PHF2: variants seen among roughly 807,000 people sequenced by gnomAD.
PHF2 encodes the protein lysine-specific demethylase PHF2.
PHF2 carries 27 observed loss-of-function variants against 120.5 expected under a neutral mutation model. The observed-to-expected ratio is 0.22, with a 90% confidence interval of 0.17 to 0.31. The LOEUF (loss-of-function observed/expected upper bound fraction) is 0.31. Among genes scored for constraint, PHF2 ranks in the 10% least tolerant of loss-of-function variants. PHF2 has a pLI of 1.00. For missense variants in PHF2, 1,024 were observed against 1,434.8 expected (o/e 0.71, Z 4.63); for synonymous variants, 568 against 592.5 (o/e 0.96, Z 0.60).
chr9:93,679,357 T>G lies in PHF2; in HGVS notation c.*1681T>G, dbSNP rs1434160207. 2.3e-6 allele frequency: 1 copy of G among 435,684 alleles called. No homozygotes were observed. Among genetic ancestry groups the G allele is most frequent in the Non-Finnish European group, 4.5e-6 (1 of 220,708 alleles). The allele number at this position is 435,684 out of a possible 1,614,324, so 27.0% of individuals were successfully genotyped here. A position where few individuals can be genotyped will look rare whatever the true frequency, so the allele number is the denominator to read the frequency against. ...TTTTAAAGTTTCCTTTACCCTGCCC[T>G]TGTTGAACATTTATATAATCTAACC... is the stretch of plus-strand genomic sequence containing the variant. On this transcript the variant is annotated 3_prime_UTR_variant, in exon 22 of 22. Transcript: ENST00000359246.
intron 1 of PHF2, among the ~76,000 whole-genome samples, chr9:93,579,453 A>G (rs1045215614): frequency 1.3e-5 from 2 of 152,196 alleles, no homozygotes; most frequent in African/African-American, 4.8e-5. Flanking sequence ...GAAGGAGTTA[A>G]CGCTGGTGCC....
intron 1 of PHF2, among the ~76,000 whole-genome samples, chr9:93,598,271 A>C (rs1473958712): frequency 2.6e-5 from 4 of 152,228 alleles, no homozygotes; most frequent in African/African-American, 9.6e-5. Context: ...ACAAGTGAGC[A>C]TCAGACTTAG....
chr9:93,650,772 C>G (rs1275072178), intron 5 of PHF2, among the ~76,000 whole-genome samples: 1 of 152,194 alleles, frequency 6.6e-6, no homozygotes, highest in Non-Finnish European at 1.5e-5. Context: ...CCAGCTGGCC[C>G]CTGGGAAAGA....
At chr9:93,660,030 G>T (rs1226804236) in intron 11 of PHF2, among the ~76,000 whole-genome samples, 162 bp from the exon 12 acceptor site, 1 of 152,158 alleles carries the variant, frequency 6.6e-6, no homozygotes, top group Non-Finnish European at 1.5e-5. Context: ...GCATGGGTTG[G>T]GTGTGAGTGT....
chr9:93,600,977 T>C (rs1825428918), intron 1 of PHF2, among the ~76,000 whole-genome samples: 1 of 152,246 alleles, frequency 6.6e-6, no homozygotes, highest in East Asian at 1.9e-4. Context: ...TTTATAAATG[T>C]TAAGAGTGAC....
chr9:93,594,048 A>G (rs1825284225), intron 1 of PHF2, among the ~76,000 whole-genome samples: 2 of 152,174 alleles, frequency 1.3e-5, no homozygotes, highest in South Asian at 4.1e-4. Context: ...TGTGGGTTTT[A>G]TAGACACTGG....
At chr9:93,609,042 T>C (rs1370392413) in intron 1 of PHF2, among the ~76,000 whole-genome samples, 1 of 121,370 alleles carries the variant, frequency 8.2e-6, no homozygotes, top group African/African-American at 2.7e-5. Context: ...GTGATCCCAT[T>C]TTTTTCTCCT....
At chr9:93,623,526 C>T (rs978551197) in intron 1 of PHF2, among the ~76,000 whole-genome samples, 3 of 152,208 alleles carry the variant, frequency 2.0e-5, no homozygotes, top group Non-Finnish European at 2.9e-5. Flanking sequence ...GGCAGACACC[C>T]TTATAAACTT....
intron 1 of PHF2, among the ~76,000 whole-genome samples, chr9:93,579,118 C>A (rs1862888372): frequency 6.6e-6 from 1 of 152,114 alleles, no homozygotes. Context: ...CAGCCCTGGG[C>A]AAATCCTTTG....
chr9:93,639,766 C>T (rs1220954811), intron 3 of PHF2, among the ~76,000 whole-genome samples: 4 of 152,156 alleles, frequency 2.6e-5, no homozygotes, highest in African/African-American at 7.2e-5. Context: ...AACTCAGCAA[C>T]AGGCAGCTGG....
At position 93,679,467 on chromosome 9, in the gene PHF2, T is replaced by C. The variant is rs1826982366; in HGVS notation, c.*1791T>C. ...ACATGTACATTTCTAACAAAGTTTA[T>C]CGTGGCTATTAAAGTGTTTTATTTC... On this transcript the variant is annotated 3_prime_UTR_variant, in exon 22 of 22. Coordinates refer to ENST00000359246, the MANE Select transcript of PHF2 (RefSeq NM_005392.4). 1 of 312,302 alleles carries C rather than the reference T, an allele frequency of 3.2e-6. No individual in the cohort carries two copies. The highest frequency in any genetic ancestry group is 6.2e-6 in the Non-Finnish European group (1 of 160,778). 19.3% of individuals were successfully genotyped at this position (312,302 alleles called of 1,614,324 possible). A position where few individuals can be genotyped will look rare whatever the true frequency, so the allele number is the denominator to read the frequency against.
chr9:93,612,735 A>G (rs992261184), intron 1 of PHF2, among the ~76,000 whole-genome samples: 5 of 152,190 alleles, frequency 3.3e-5, no homozygotes, highest in African/African-American at 7.2e-5. Flanking sequence ...ATAGGAATCT[A>G]TGGTATTGTC....
At chr9:93,606,141 T>C (rs1825539061) in intron 1 of PHF2, among the ~76,000 whole-genome samples, 1 of 152,124 alleles carries the variant, frequency 6.6e-6, no homozygotes, top group African/African-American at 2.4e-5. Context: ...AGCTAATTTT[T>C]GTATTTTTTG....
intron 1 of PHF2, among the ~76,000 whole-genome samples, chr9:93,586,506 C>T (rs1460468432): frequency 1.3e-5 from 2 of 152,220 alleles, no homozygotes; most frequent in African/African-American, 2.4e-5. Context: ...GGCCAGCAGC[C>T]GGCCAGCAGC....
intron 15 of PHF2, 39 bp from the exon 16 acceptor site, chr9:93,665,951 C>T (rs779098363): frequency 6.2e-7 from 1 of 1,612,174 alleles, no homozygotes; most frequent in African/African-American, 1.3e-5. Context: ...TGGCTCCCCG[C>T]AAGGCCTCCC....
At position 93,636,444 on chromosome 9, in the gene PHF2, C is replaced by G; in HGVS notation, c.218C>G (p.Pro73Arg). Residue 73 changes from proline (P) to arginine (R), a missense_variant, in exon 3 of 22, where the codon CCG (proline) becomes CGG (arginine). Coordinates refer to ENST00000359246, the MANE Select transcript of PHF2 (RefSeq NM_005392.4). The part of the protein sequence containing the change: ...KKKRTWHKHG[P>R]GQAPDVKPVQ... Reference sequence around the variant, plus strand: ...AAGCGGACCTGGCACAAACACGGCCCGGGGCAAGCGCCTGACGTCAAGCCC... The same window carrying G: ...AAGCGGACCTGGCACAAACACGGCCGGGGGCAAGCGCCTGACGTCAAGCCC... 6.2e-7 allele frequency: 1 copy of G among 1,610,110 alleles called. No homozygotes were observed. Among genetic ancestry groups the G allele is most frequent in the Non-Finnish European group, 8.5e-7 (1 of 1,178,438 alleles).
chr9:93,580,319 G>A (rs1263959221), intron 1 of PHF2, among the ~76,000 whole-genome samples: 2 of 152,196 alleles, frequency 1.3e-5, no homozygotes, highest in African/African-American at 4.8e-5. Flanking sequence ...GGTTGCCTTC[G>A]GAGGTGTCTT....
intron 17 of PHF2, among the ~76,000 whole-genome samples, chr9:93,671,346 A>G (rs1826786616): frequency 7.0e-6 from 1 of 142,974 alleles, no homozygotes. Context: ...GTGTGGGAGT[A>G]GGGTCAGGTG....
Position 93,675,727 on chromosome 9 carries a change from G to A in PHF2, c.2770G>A (p.Gly924Ser). The A allele has an allele frequency of 5.6e-6, 9 of 1,613,264 alleles. No homozygotes were observed. Among genetic ancestry groups the A allele is most frequent in the Non-Finnish European group, 7.6e-6 (9 of 1,179,924 alleles). Reference sequence around the variant, plus strand: ...AAGACAGGACAGGCCTGTGCGTGAGGGTACACGGGTGGCTTCCATCGAGAC... The same window carrying A: ...AAGACAGGACAGGCCTGTGCGTGAGAGTACACGGGTGGCTTCCATCGAGAC... The part of the protein sequence containing the change: ...VPRQDRPVRE[G>S]TRVASIETGL... Residue 924 changes from glycine to serine, a missense_variant, in exon 20 of 22, where the codon GGT (glycine) becomes AGT (serine). By Grantham distance (56) the Gly-to-Ser change is moderately conservative (BLOSUM62 0). Coordinates refer to ENST00000359246, the MANE Select transcript of PHF2 (RefSeq NM_005392.4).
Sources: gnomAD v4.1 joint callset for allele counts (sites outside exome capture counted in the v4.1 genomes callset) on GRCh38, gnomAD v4.1.1 for gene constraint, MANE v1.5 for transcripts, NCBI Gene and HGNC (gene_info 2026-07-23, HGNC 2026-07-21) for gene names.